The following GABPB1 variants were observed in gnomAD, a reference collection of about 807,000 sequenced individuals.
GABPB1 encodes the protein GA binding protein transcription factor subunit beta 1, also known as GA-binding protein subunit beta-1.
GABPB1 carries 15 observed loss-of-function variants against 45.9 expected under a neutral mutation model. The ratio of observed to expected loss-of-function variants is 0.33; its 90% CI spans 0.22 to 0.50. The LOEUF (loss-of-function observed/expected upper bound fraction) is 0.50. Among genes scored for constraint, GABPB1 ranks in the 20% least tolerant of loss-of-function variants. The pLI, the probability that GABPB1 is intolerant of heterozygous loss-of-function variation, is 0.98. For missense variants in GABPB1, 252 were observed against 457.5 expected, an observed-to-expected ratio of 0.55 and a Z score of 4.10; for synonymous variants, 143 against 154.4, an observed-to-expected ratio of 0.93 and a Z score of 0.55.
At chr15:50,293,006 T>C (rs2046402857) in intron 6 of GABPB1, among the ~76,000 whole-genome samples, 1 of 151,946 alleles carries the variant, frequency 6.6e-6, no homozygotes, top group Non-Finnish European at 1.5e-5. Flanking sequence ...AAAAAAATTA[T>C]AACTAGTTCA....
At chr15:50,318,812 A>G (rs1204042551) in intron 1 of GABPB1, among the ~76,000 whole-genome samples, 5 of 152,134 alleles carry the variant, frequency 3.3e-5, no homozygotes, top group South Asian at 2.1e-4. Flanking sequence ...AAACTAGACT[A>G]TTTTTCAGAA....
At chr15:50,339,988 C>G (rs2048292332) in intron 1 of GABPB1, among the ~76,000 whole-genome samples, 1 of 152,168 alleles carries the variant, frequency 6.6e-6, no homozygotes, top group African/African-American at 2.4e-5. Context: ...TGTGTCCCCA[C>G]AAAATTAACA....
intron 1 of GABPB1, among the ~76,000 whole-genome samples, chr15:50,337,130 A>ATAT (rs1285570529): frequency 1.3e-3 from 5 of 3,868 alleles, no homozygotes; most frequent in Non-Finnish European, 2.1e-3. Context: ...TATATATATA[A>ATAT]TATGAAGAGG....
In GABPB1 at chr15:50,316,237, A is replaced by C. The variant is rs183198770; in HGVS notation, c.1-6439T>G. 2.0e-5 allele frequency among the ~76,000 whole-genome samples: 3 copies of C among 152,338 alleles called. No homozygotes were observed. In the East Asian group the frequency reaches 5.8e-4, roughly 29 times the overall value. On this transcript the variant is annotated intron_variant, in intron 1 of 8. Coordinates refer to ENST00000380877, the MANE Select transcript of GABPB1 (RefSeq NM_016654.5). ...GCTACTTTTGCTCAAAGTACATGCCAAGATGGCCATCTAGTGGTAACAGGA... is the reference window on the plus strand; with the variant it reads ...GCTACTTTTGCTCAAAGTACATGCCCAGATGGCCATCTAGTGGTAACAGGA...
At chr15:50,317,828 G>A (rs562883639) in intron 1 of GABPB1, among the ~76,000 whole-genome samples, 36 of 151,344 alleles carry the variant, frequency 2.4e-4, no homozygotes, top group Middle Eastern at 3.4e-3. Context: ...AGAATGGCGC[G>A]AACCCGGGAG....
chr15:50,326,595 G>A (rs1237615862), intron 1 of GABPB1, among the ~76,000 whole-genome samples: 2 of 152,152 alleles, frequency 1.3e-5, no homozygotes, highest in East Asian at 1.9e-4. Context: ...CCGGAAGGCA[G>A]AGGTTGCAGT....
At chr15:50,342,110 T>G (rs1367659652) in intron 1 of GABPB1, among the ~76,000 whole-genome samples, 1 of 152,214 alleles carries the variant, frequency 6.6e-6, no homozygotes, top group Non-Finnish European at 1.5e-5. Context: ...CGAACTTACC[T>G]AAGTAGTCCT....
At chr15:50,347,400 ATTTTTT>A (rs1167540450) in intron 1 of GABPB1, 4 of 151,946 alleles carry the variant, frequency 2.6e-5, no homozygotes, top group Non-Finnish European at 4.4e-5. Context: ...AATTTTTTTT[ATTTTTT>A]ATTATTAAAA....
rs551510712 is a variant in GABPB1, at chr15:50,346,857, G to A, written c.-1+8128C>T. ...GGCTGGAGTGCAGTGGCGCCATCTC[G>A]GCTCACTGCAACCTCCGCCCCCCCC... On this transcript the variant is annotated intron_variant, in intron 1 of 8. Transcript: ENST00000380877. 1.4e-3 allele frequency among the ~76,000 whole-genome samples: 200 copies of A among 146,260 alleles called. 3 individuals are homozygous for A. The highest frequency in any genetic ancestry group is 5.0e-3 in the African/African-American group (195 of 39,068).
chr15:50,316,458 CTAT>C (rs1253997940), intron 1 of GABPB1, among the ~76,000 whole-genome samples: 2 of 152,030 alleles, frequency 1.3e-5, no homozygotes, highest in African/African-American at 4.8e-5. Flanking sequence ...ATGTTTACAC[CTAT>C]TATATTTAAT....
intron 7 of GABPB1, among the ~76,000 whole-genome samples, chr15:50,288,643 G>A (rs778789256): frequency 1.1e-4 from 17 of 151,986 alleles, no homozygotes; most frequent in Non-Finnish European, 1.5e-4. Flanking sequence ...TGCTTTTGGC[G>A]GCACTTAAAA....
chr15:50,289,598 C>T lies in GABPB1; in HGVS notation c.768G>A (p.Gly256=). 3 of 1,613,482 alleles carry T rather than the reference C, an allele frequency of 1.9e-6. No individual in the cohort carries two copies. The highest frequency in any genetic ancestry group is 2.5e-6 in the Non-Finnish European group (3 of 1,179,758). The stretch of plus-strand genomic sequence containing the variant: ...TAACTATTGTGATGACTTGCTGACC[C>T]CCTGAACTAACTACTTGCTGAATGG... ...DGAIQQVVSS[G]GQQVITIVTD... Residue 256 remains glycine, a synonymous_variant, in exon 7 of 9, where the codon GGG becomes GGA. Coordinates refer to ENST00000380877, the MANE Select transcript of GABPB1 (RefSeq NM_016654.5).
In GABPB1 at chr15:50,278,437, GT is replaced by G; in HGVS notation, c.*194del. 1 of 387,186 alleles carries G rather than the reference GT, an allele frequency of 2.6e-6. No homozygotes were observed. Among genetic ancestry groups the G allele is most frequent in the South Asian group, 1.0e-4 (1 of 9,994 alleles). The allele number at this position is 387,186 out of a possible 1,614,324, so 24.0% of individuals were successfully genotyped here. A position where few individuals can be genotyped will look rare whatever the true frequency, so the allele number is the denominator to read the frequency against. ...AAAAAAAAACTATTTACAGAATTCA[GT>G]TTTAAATACATTTCACAACTTCTAA... On this transcript the variant is annotated 3_prime_UTR_variant, in exon 9 of 9. Transcript: ENST00000380877.
chr15:50,316,708 C>T (rs922155958), intron 1 of GABPB1, among the ~76,000 whole-genome samples: 10 of 151,960 alleles, frequency 6.6e-5, no homozygotes, highest in African/African-American at 2.2e-4. Flanking sequence ...TATATCAATA[C>T]TAATGTTATT....
At chr15:50,341,441 G>A (rs1292041388) in intron 1 of GABPB1, among the ~76,000 whole-genome samples, 9 of 152,148 alleles carry the variant, frequency 5.9e-5, no homozygotes, top group South Asian at 4.2e-4. Context: ...GCTGAGGCAG[G>A]AGAATCACTT....
intron 8 of GABPB1, 119 bp downstream of exon 8, chr15:50,285,949 T>C: frequency 1.4e-6 from 2 of 1,451,658 alleles, no homozygotes; most frequent in Non-Finnish European, 1.8e-6. Context: ...AAAATGAAAA[T>C]ACTACGCACT....
chr15:50,354,434 G>C (rs1271960978), intron 1 of GABPB1: 2 of 449,044 alleles, frequency 4.5e-6, no homozygotes. Flanking sequence ...TCTCGGCCCC[G>C]CAGCACAGGG....
Position 50,277,829 on chromosome 15 carries a change from G to A in GABPB1, c.*803C>T, listed in dbSNP as rs1221212937. 1 of 152,504 alleles carries A rather than the reference G, an allele frequency of 6.6e-6. No homozygotes were observed. The highest frequency in any genetic ancestry group is 1.5e-5 in the Non-Finnish European group (1 of 67,992). The allele number at this position is 152,504 out of a possible 1,614,324, so 9.4% of individuals were successfully genotyped here. On this transcript the variant is annotated 3_prime_UTR_variant, in exon 9 of 9. Transcript: ENST00000380877. ...AAAAAAGCACAGATTTTGCAGAATT[G>A]GCAAATTCAAGTTATCTTGTAGGCT... is the stretch of plus-strand genomic sequence containing the variant.
rs1342994709 is a variant in GABPB1 at position 50,278,690 on chromosome 15, G to A, written c.1094C>T (p.Ala365Val). Residue 365 changes from alanine (A) to valine (V), a missense_variant, in exon 9 of 9, where the codon GCC becomes GTC. Around this residue, in one of 4 missense-constraint regions of GABPB1, gnomAD observed 19 missense variants for 23.8 expected, o/e 0.80. Transcript: ENST00000380877. Reference sequence around the variant, plus strand: ...CATAGCTTCCAACTTCTGTCTGTAGGCCTCTGCTTCCTGTTCTTTCTTTAG... The same window carrying A: ...CATAGCTTCCAACTTCTGTCTGTAGACCTCTGCTTCCTGTTCTTTCTTTAG... ...QLLKKEQEAE[A>V]YRQKLEAMTR... The A allele has an allele frequency of 6.2e-7, 1 of 1,613,262 alleles. No individual in the cohort carries two copies. The highest frequency in any genetic ancestry group is 1.7e-5 in the Admixed American group (1 of 59,982).
Sources: gnomAD v4.1 joint callset for allele counts (sites outside exome capture counted in the v4.1 genomes callset) on GRCh38, gnomAD v4.1.1 for gene constraint, gnomAD v4.1.1 regional missense constraint, MANE v1.5 for transcripts, NCBI Gene and HGNC (gene_info 2026-07-23, HGNC 2026-07-21) for gene names.